The following TRMT1 variants were observed in gnomAD, a reference collection of about 807,000 sequenced individuals.
TRMT1 encodes the protein tRNA (guanine(26)-N(2))-dimethyltransferase.
TRMT1 carries 63 observed loss-of-function variants against 75.4 expected under a neutral mutation model. The ratio of observed to expected loss-of-function variants is 0.84; its 90% CI spans 0.68 to 1.03. The LOEUF (loss-of-function observed/expected upper bound fraction) is 1.03, where lower values mean the gene tolerates loss of function less well. Among genes scored for constraint, TRMT1 ranks in the 50% least tolerant of loss-of-function variants. The probability of loss-of-function intolerance (pLI) is 0.00; values close to 1 mark genes in which losing one functional copy is unlikely to be tolerated. For synonymous variants in TRMT1, 382 were observed against 358.1 expected, an observed-to-expected ratio of 1.07 and a Z score of -0.75; for missense variants, 870 against 905.3, an observed-to-expected ratio of 0.96 and a Z score of 0.50.
chr19:13,105,449 C>A, intron 15 of TRMT1, 38 bp downstream of exon 15: 1 of 1,613,920 alleles, frequency 6.2e-7, no homozygotes, highest in South Asian at 1.1e-5. Flanking sequence ...CCCCTTCTTT[C>A]CCTGGCTGAG....
At chr19:13,108,683 C>T (rs2018988647) in intron 12 of TRMT1, among the ~76,000 whole-genome samples, 1 of 152,004 alleles carries the variant, frequency 6.6e-6, no homozygotes, top group Non-Finnish European at 1.5e-5. Flanking sequence ...CTTGGCTCAC[C>T]ACCGCCTCCT....
At chr19:13,115,034 A>G (rs1192591817) in intron 5 of TRMT1, among the ~76,000 whole-genome samples, 2 of 152,220 alleles carry the variant, frequency 1.3e-5, no homozygotes, top group Non-Finnish European at 2.9e-5. Context: ...AAAGGAGTGT[A>G]AGAAGTTAAA....
intron 12 of TRMT1, among the ~76,000 whole-genome samples, chr19:13,109,054 T>C (rs917419753): frequency 5.9e-5 from 9 of 151,450 alleles, no homozygotes; most frequent in Admixed American, 3.9e-4. Context: ...TAGTTAGGAC[T>C]ATAGGCATGT....
intron 4 of TRMT1, 33 bp downstream of exon 4, chr19:13,115,593 C>T (rs1387784632): frequency 9.3e-6 from 15 of 1,612,356 alleles, no homozygotes; most frequent in Non-Finnish European, 1.1e-5. Flanking sequence ...CCGCTAAATT[C>T]CAGGGCTGCC....
chr19:13,116,352 C>A lies in TRMT1; in HGVS notation c.48G>T (p.Arg16=), dbSNP rs200989466. 2.5e-6 allele frequency: 4 copies of A among 1,612,806 alleles called. No individual in the cohort carries two copies. The highest frequency in any genetic ancestry group is 2.2e-5 in the East Asian group (1 of 44,852). Residue 16 remains arginine, a synonymous_variant, in exon 2 of 17, where the codon CGG becomes CGT. Coordinates refer to ENST00000357720, the MANE Select transcript of TRMT1 (RefSeq NM_001136035.4). ...CGAAAAACCGGGCTCTAGAGAGCAC[C>A]CGGGCGGAGCGGAAAGTGAGGCTTA... The part of the protein sequence containing the change: ...LWLSLTFRSA[R]VLSRARFFEW...
rs777869854 is a variant in TRMT1 at position 13,116,328 on chromosome 19, G to C, written c.72C>G (p.Phe24Leu). The C allele has an allele frequency of 6.2e-7, 1 of 1,613,704 alleles. No individual in the cohort carries two copies. Among genetic ancestry groups the C allele is most frequent in the Non-Finnish European group, 8.5e-7 (1 of 1,180,012 alleles). ...TCGGCAGCCCTGGAGACTGCCACTCGAAAAACCGGGCTCTAGAGAGCACCC... is the reference window on the plus strand; with the variant it reads ...TCGGCAGCCCTGGAGACTGCCACTCCAAAAACCGGGCTCTAGAGAGCACCC... ...SARVLSRARF[F>L]EWQSPGLPNT... The change falls in exon 2 of 17, where the codon TTC becomes TTG. Residue 24 changes from phenylalanine to leucine, a missense_variant. By Grantham distance (22) the Phe-to-Leu change is conservative. Coordinates refer to ENST00000357720, the MANE Select transcript of TRMT1 (RefSeq NM_001136035.4).
At position 13,112,814 on chromosome 19, in the gene TRMT1, A is replaced by G. The variant is rs547654020; in HGVS notation, c.761T>C (p.Leu254Ser). The G allele has an allele frequency of 6.2e-7, 1 of 1,614,156 alleles. No individual in the cohort carries two copies. The highest frequency in any genetic ancestry group is 1.3e-5 in the African/African-American group (1 of 75,062). Residue 254 changes from leucine to serine, a missense_variant, in exon 7 of 17, where the codon TTG becomes TCG. By Grantham distance (145) the Leu-to-Ser change is moderately radical. Coordinates refer to ENST00000357720, the MANE Select transcript of TRMT1 (RefSeq NM_001136035.4). ...CATGTCTGTGCAGGTCACACACAGC[A>G]ACCCTGCAGAGAGGGGCTGGGCAGT... is the stretch of plus-strand genomic sequence containing the variant. ...AAVQAVSEGG[L>S]LCVTCTDMAV...
intron 5 of TRMT1, among the ~76,000 whole-genome samples, chr19:13,113,273 C>T (rs1480149920): frequency 2.0e-5 from 3 of 152,154 alleles, no homozygotes; most frequent in Non-Finnish European, 4.4e-5. Context: ...ATTCTCGCGC[C>T]TCAGCCTCCC....
Position 13,111,628 on chromosome 19 carries a change from C to G in TRMT1, c.870+1077G>C, listed in dbSNP as rs187759664. Among the ~76,000 whole-genome samples, 112 of 150,494 alleles carry G rather than the reference C, an allele frequency of 7.4e-4. 1 individual carries two copies. Among genetic ancestry groups the G allele is most frequent in the Non-Finnish European group, 1.1e-3 (72 of 67,802 alleles). On this transcript the variant is annotated intron_variant, in intron 7 of 16. Coordinates refer to ENST00000357720, the MANE Select transcript of TRMT1 (RefSeq NM_001136035.4). ...GGCCAGGGTGCTCTTGAACACCTGA[C>G]CTCTTGAACACCGCCCACCTCGGCC...
At chr19:13,107,472 T>C in intron 14 of TRMT1, 102 bp downstream of exon 14, 3 of 1,361,386 alleles carry the variant, frequency 2.2e-6, no homozygotes, top group East Asian at 2.5e-5. Flanking sequence ...ACTTGAAGAA[T>C]GGGCACGAGT....
chr19:13,115,823 C>T, intron 3 of TRMT1, 55 bp from the exon 4 acceptor site: 2 of 1,610,816 alleles, frequency 1.2e-6, no homozygotes, highest in Non-Finnish European at 1.7e-6. Context: ...TCTGAGAAAC[C>T]TCCCCTTAAT....
In TRMT1 at chr19:13,105,276, C is replaced by T. The variant is rs756339174; in HGVS notation, c.1824G>A (p.Arg608=). 4.3e-6 allele frequency: 7 copies of T among 1,613,616 alleles called. No individual in the cohort carries two copies. Among genetic ancestry groups the T allele is most frequent in the Non-Finnish European group, 5.9e-6 (7 of 1,179,846 alleles). Residue 608 remains arginine, a synonymous_variant, in exon 16 of 17, where the codon AGG becomes AGA. Coordinates refer to ENST00000357720, the MANE Select transcript of TRMT1 (RefSeq NM_001136035.4). ...AARLKTFPCK[R]FKEGTCQRGD... ...GGAGGAGGGACCTCACCTCCTTAAA[C>T]CTCTTGCAAGGAAATGTCTTGAGCC...
Position 13,115,662 on chromosome 19 carries a change from GTCTCCTGAGGCCA to G in TRMT1, c.404_416del (p.Leu135ProfsTer34). ...CCCCCACGGCCGCTGTGCGAGGTTG[GTCTCCTGAGGCCA>G]GGTTTTCACTCTCTTTCAGTTCAAC... On this transcript the variant is annotated frameshift_variant, in exon 4 of 17. Coordinates refer to ENST00000357720, the MANE Select transcript of TRMT1 (RefSeq NM_001136035.4). LOFTEE classifies it high-confidence loss of function. The G allele has an allele frequency of 6.2e-7, 1 of 1,613,986 alleles. No homozygotes were observed. The highest frequency in any genetic ancestry group is 8.5e-7 in the Non-Finnish European group (1 of 1,180,020).
chr19:13,110,338 T>G, intron 7 of TRMT1, 32 bp from the exon 8 acceptor site: 1 of 1,552,212 alleles, frequency 6.4e-7, no homozygotes, highest in Non-Finnish European at 8.7e-7. Flanking sequence ...CAGCCTCCCC[T>G]CCACTATCCA....
Position 13,105,013 on chromosome 19 carries a change from A to C in TRMT1, c.1902T>G (p.Asp634Glu). The change falls in exon 17 of 17, where the codon GAT becomes GAG. Residue 634 changes from aspartate to glutamate, a missense_variant. Asp to Glu is a conservative substitution (Grantham distance 45). Coordinates refer to ENST00000357720, the MANE Select transcript of TRMT1 (RefSeq NM_001136035.4). The part of the protein sequence containing the change: ...HSPPTPRVSA[D>E]AAPDCPETSN... Reference sequence around the variant, plus strand: ...AGGTCTCTGGACAGTCAGGGGCAGCATCAGCAGAAACCCTGGGTGTCGGGG... The same window carrying C: ...AGGTCTCTGGACAGTCAGGGGCAGCCTCAGCAGAAACCCTGGGTGTCGGGG... 6.2e-7 allele frequency: 1 copy of C among 1,613,102 alleles called. No homozygotes were observed. The highest frequency in any genetic ancestry group is 8.5e-7 in the Non-Finnish European group (1 of 1,179,552).
intron 14 of TRMT1, 92 bp downstream of exon 14, chr19:13,107,482 T>G: frequency 7.0e-7 from 1 of 1,419,220 alleles, no homozygotes; most frequent in African/African-American, 1.4e-5. Flanking sequence ...TGGGCACGAG[T>G]CTGTGTGGGG....
At chr19:13,115,564 T>A in intron 4 of TRMT1, 62 bp downstream of exon 4, 1 of 1,607,652 alleles carries the variant, frequency 6.2e-7, no homozygotes, top group Non-Finnish European at 8.5e-7. Flanking sequence ...GCTCTCCCCC[T>A]CCAGGAGCCC....
Position 13,110,170 on chromosome 19 carries a change from T to C in TRMT1, c.1007A>G (p.Lys336Arg), listed in dbSNP as rs1159716536. Residue 336 changes from lysine to arginine, a missense_variant, in exon 8 of 17, where the codon AAG becomes AGG. Lys to Arg is a conservative substitution (Grantham distance 26). Transcript: ENST00000357720. ...VRVFTGQAKV[K>R]ASASKQALVF... ...CCCCCGGGCTGACCTGGCTGAGGCC[T>C]TGACCTTGGCCTGGCCGGTGAAGAC... The C allele has an allele frequency of 6.2e-7, 1 of 1,612,318 alleles. No individual in the cohort carries two copies. The highest frequency in any genetic ancestry group is 8.5e-7 in the Non-Finnish European group (1 of 1,179,982).
At position 13,105,267 on chromosome 19, in the gene TRMT1, C is replaced by T. The variant is rs778368877; in HGVS notation, c.1833G>A (p.Glu611=). 145 of 1,612,358 alleles carry T rather than the reference C, an allele frequency of 9.0e-5. No homozygotes were observed. Among genetic ancestry groups the T allele is most frequent in the Non-Finnish European group, 1.2e-4 (139 of 1,179,104 alleles). Residue 611 remains glutamate, a splice_region_variant and synonymous_variant, in exon 16 of 17, where the codon GAG becomes GAA. Transcript: ENST00000357720. ...LKTFPCKRFK[E]GTCQRGDQCC... The stretch of plus-strand genomic sequence containing the variant: ...GGAGGAAAGGGAGGAGGGACCTCAC[C>T]TCCTTAAACCTCTTGCAAGGAAATG...
Sources: gnomAD v4.1 joint callset for allele counts (sites outside exome capture counted in the v4.1 genomes callset) on GRCh38, gnomAD v4.1.1 for gene constraint, MANE v1.5 for transcripts, NCBI Gene and HGNC (gene_info 2026-07-23, HGNC 2026-07-21) for gene names.